Variants in SYT1 observed in about 807,000 individuals in gnomAD.
The protein encoded by SYT1 is synaptotagmin-1.
Under a neutral mutation model 44.8 loss-of-function variants are expected in SYT1, and 8 were observed. The observed-to-expected ratio is 0.18, with a 90% CI of 0.10 to 0.32. The LOEUF (loss-of-function observed/expected upper bound fraction) is 0.32, where lower values mean the gene tolerates loss of function less well. Among genes scored for constraint, SYT1 ranks in the 10% least tolerant of loss-of-function variants. The pLI is 1.00. For synonymous variants in SYT1, 154 were observed against 188.8 expected (o/e 0.82, Z 1.51); for missense variants, 286 against 509.3 (o/e 0.56, Z 4.22).
At chr12:78,874,094 T>C (rs1267243725) in intron 1 of SYT1, among the ~76,000 whole-genome samples, 2 of 151,674 alleles carry the variant, frequency 1.3e-5, no homozygotes. Context: ...CACTTTTCTA[T>C]GTACTTTCCA....
intron 3 of SYT1, among the ~76,000 whole-genome samples, chr12:79,134,200 A>C (rs549884959): frequency 3.9e-5 from 6 of 152,332 alleles, no homozygotes; most frequent in South Asian, 2.1e-4. Flanking sequence ...TTACATATTC[A>C]TTTACTGAGA....
At chr12:79,071,680 TCTGGTAGCCC>T (rs1012888017) in intron 3 of SYT1, among the ~76,000 whole-genome samples, 1 of 152,168 alleles carries the variant, frequency 6.6e-6, no homozygotes, top group Admixed American at 6.6e-5. Context: ...TCTTCCAGCT[TCTGGTAGCCC>T]CAGGCACTTC....
At chr12:79,101,566 TG>T (rs746065147) in intron 3 of SYT1, among the ~76,000 whole-genome samples, 19 of 152,192 alleles carry the variant, frequency 1.2e-4, no homozygotes, top group Non-Finnish European at 2.1e-4. Flanking sequence ...ATGTAGTTAA[TG>T]GCAAAGAACT....
chr12:78,876,926 A>G (rs1220406354), intron 1 of SYT1, among the ~76,000 whole-genome samples: 41 of 88,164 alleles, frequency 4.7e-4, no homozygotes, highest in African/African-American at 1.9e-3. Context: ...TATATAATAT[A>G]TATTATATAT....
intron 8 of SYT1, among the ~76,000 whole-genome samples, chr12:79,338,470 G>T (rs1251210080): frequency 6.6e-6 from 1 of 151,268 alleles, no homozygotes; most frequent in Non-Finnish European, 1.5e-5. Flanking sequence ...ATTTTTAGTC[G>T]CTTTGTTGCC....
intron 1 of SYT1, among the ~76,000 whole-genome samples, chr12:78,927,550 A>C (rs371732702): frequency 6.6e-6 from 1 of 152,154 alleles, no homozygotes; most frequent in African/African-American, 2.4e-5. Flanking sequence ...CTGAAATTAC[A>C]TAAGTGTCTT....
chr12:78,903,707 A>G (rs367784598), intron 1 of SYT1, among the ~76,000 whole-genome samples: 3 of 152,180 alleles, frequency 2.0e-5, no homozygotes, highest in African/African-American at 7.2e-5. Flanking sequence ...ATACACATAT[A>G]TTAATTTCAA....
At chr12:79,107,027 T>C (rs1244572421) in intron 3 of SYT1, among the ~76,000 whole-genome samples, 1 of 151,996 alleles carries the variant, frequency 6.6e-6, no homozygotes, top group East Asian at 1.9e-4. Context: ...TGAGCATGCT[T>C]ATCTATATAA....
chr12:79,353,492 GT>G lies in SYT1; in HGVS notation c.811-6del. ...AAAAATTGCTAATACTTTCTTATTG[GT>G]TTTCTTAGCAAGAGAAATTGGGTGA... On this transcript the variant is annotated splice_polypyrimidine_tract_variant and intron_variant, in intron 8 of 10. Coordinates refer to ENST00000261205, the MANE Select transcript of SYT1 (RefSeq NM_005639.3). 2 of 1,594,336 alleles carry G rather than the reference GT, an allele frequency of 1.3e-6. No homozygotes were observed. The highest frequency in any genetic ancestry group is 4.5e-5 in the East Asian group (2 of 44,778).
At chr12:79,252,748 C>CTTCGGAT (rs1877291253) in intron 4 of SYT1, among the ~76,000 whole-genome samples, 2 of 152,116 alleles carry the variant, frequency 1.3e-5, no homozygotes, top group Non-Finnish European at 2.9e-5. Flanking sequence ...ACCCCTGAGA[C>CTTCGGAT]TTCGGATTGT....
intron 8 of SYT1, among the ~76,000 whole-genome samples, chr12:79,352,548 A>ACT (rs1330088138): frequency 6.6e-6 from 1 of 151,916 alleles, no homozygotes; most frequent in African/African-American, 2.4e-5. Context: ...CATACAACAA[A>ACT]CTCTCTCTCT....
chr12:79,364,935 CAAAT>C (rs1176399093), intron 9 of SYT1, among the ~76,000 whole-genome samples: 1 of 152,052 alleles, frequency 6.6e-6, no homozygotes, highest in African/African-American at 2.4e-5. Flanking sequence ...ATTAAGGAAA[CAAAT>C]GCTTTCACAA....
intron 2 of SYT1, among the ~76,000 whole-genome samples, chr12:78,994,223 CTG>C (rs1472114818): frequency 6.6e-6 from 1 of 152,184 alleles, no homozygotes; most frequent in Admixed American, 6.5e-5. Flanking sequence ...CCTAGTCTTT[CTG>C]TGTCTTGAAA....
chr12:79,354,047 C>T (rs1303602796), intron 9 of SYT1, among the ~76,000 whole-genome samples: 1 of 152,056 alleles, frequency 6.6e-6, no homozygotes, highest in Admixed American at 6.6e-5. Flanking sequence ...CCTACGATAC[C>T]ATTTATTAAA....
intron 4 of SYT1, 108 bp downstream of exon 4, chr12:79,217,793 T>C (rs1860653685): frequency 3.6e-6 from 3 of 844,636 alleles, no homozygotes; most frequent in Non-Finnish European, 5.0e-6. Flanking sequence ...TTACATTTAA[T>C]TTATTACTAT....
Position 79,289,008 on chromosome 12 carries a change from A to G in SYT1, c.352-3000A>G, listed in dbSNP as rs138785840. ...GTGTTCTCATTTTAAACACGCTAAC[A>G]GATTAAATATAACAGTATTAGAAAG... is the stretch of plus-strand genomic sequence containing the variant. On this transcript the variant is annotated intron_variant, in intron 5 of 10. Coordinates refer to ENST00000261205, the MANE Select transcript of SYT1 (RefSeq NM_005639.3). Among the ~76,000 whole-genome samples, 38 of 152,304 alleles carry G rather than the reference A, an allele frequency of 2.5e-4. 1 individual carries two copies. In the East Asian group the frequency reaches 7.1e-3, roughly 29 times the overall value.
intron 2 of SYT1, among the ~76,000 whole-genome samples, chr12:79,041,640 G>T (rs2137728308): frequency 6.6e-6 from 1 of 152,004 alleles, no homozygotes; most frequent in South Asian, 2.1e-4. Context: ...TAATTGCCCT[G>T]GCCAGAACTT....
intron 1 of SYT1, among the ~76,000 whole-genome samples, chr12:78,914,669 A>T (rs574705460): frequency 6.6e-6 from 1 of 152,122 alleles, no homozygotes; most frequent in Admixed American, 6.6e-5. Flanking sequence ...ATTTGACTTC[A>T]TTTATGGTTC....
intron 2 of SYT1, among the ~76,000 whole-genome samples, chr12:78,980,226 C>T (rs1261925080): frequency 6.6e-6 from 1 of 152,046 alleles, no homozygotes; most frequent in Non-Finnish European, 1.5e-5. Flanking sequence ...GACGGAATGT[C>T]GTGATTACCT....
Sources: gnomAD v4.1 joint callset for allele counts (sites outside exome capture counted in the v4.1 genomes callset) on GRCh38, gnomAD v4.1.1 for gene constraint, MANE v1.5 for transcripts, NCBI Gene and HGNC (gene_info 2026-07-23, HGNC 2026-07-21) for gene names.